CALD1: variants seen among roughly 807,000 people sequenced by gnomAD.
The protein encoded by CALD1 is caldesmon.
A neutral mutation model predicts 99.9 loss-of-function variants in CALD1; 33 were observed. That is an observed-to-expected ratio of 0.33 (90% CI 0.25 to 0.44). The LOEUF (loss-of-function observed/expected upper bound fraction) is 0.44. CALD1 is among the 20% of genes least tolerant of loss of function. The pLI, the probability that CALD1 is intolerant of heterozygous loss-of-function variation, is 1.00. For missense variants in CALD1, 861 were observed against 962.1 expected, an observed-to-expected ratio of 0.89 and a Z score of 1.39; for synonymous variants, 310 against 325.0, an observed-to-expected ratio of 0.95 and a Z score of 0.50.
chr7:134,912,318 A>G (rs1340043533), intron 3 of CALD1, among the ~76,000 whole-genome samples: 2 of 152,216 alleles, frequency 1.3e-5, no homozygotes, highest in Non-Finnish European at 2.9e-5. Context: ...AGTTTACTTG[A>G]CTGGGTAAAT....
At chr7:134,740,679 C>T (rs1585893331), upstream of CALD1, among the ~76,000 whole-genome samples, 1 of 152,188 alleles carries the variant, frequency 6.6e-6, no homozygotes, top group African/African-American at 2.4e-5. Flanking sequence ...AAACTAGAGA[C>T]TACGCAGAGG....
chr7:134,796,966 T>G (rs1797766978), intron 1 of CALD1, among the ~76,000 whole-genome samples: 1 of 152,170 alleles, frequency 6.6e-6, no homozygotes, highest in South Asian at 2.1e-4. Context: ...AAAGGGAGGA[T>G]TGAGACAGAC....
At chr7:134,787,946 T>C (rs1797371329) in intron 1 of CALD1, among the ~76,000 whole-genome samples, 1 of 152,066 alleles carries the variant, frequency 6.6e-6, no homozygotes, top group Admixed American at 6.5e-5. Context: ...GAAGAGGAGC[T>C]AAAAAGGAAT....
chr7:134,739,844 T>C (rs1659531796), upstream of CALD1, among the ~76,000 whole-genome samples: 1 of 140,824 alleles, frequency 7.1e-6, no homozygotes, highest in East Asian at 2.2e-4. Flanking sequence ...CAAATGCACC[T>C]TCAAACTAAA....
At chr7:134,875,390 C>T (rs944643796) in intron 3 of CALD1, among the ~76,000 whole-genome samples, 1 of 152,202 alleles carries the variant, frequency 6.6e-6, no homozygotes, top group African/African-American at 2.4e-5. Flanking sequence ...AATCCCAACA[C>T]TTTGCGAGGC....
At chr7:134,796,651 T>A (rs1407628675) in intron 1 of CALD1, among the ~76,000 whole-genome samples, 1 of 152,096 alleles carries the variant, frequency 6.6e-6, no homozygotes, top group Non-Finnish European at 1.5e-5. Flanking sequence ...AGTGGTGCAA[T>A]CATAGCTCAC....
the CALD1 span, among the ~76,000 whole-genome samples, chr7:134,720,271 T>C: frequency 6.6e-6 from 1 of 151,618 alleles, no homozygotes; most frequent in Non-Finnish European, 1.5e-5. Context: ...GAAAGAATGA[T>C]GAATGGGCCC....
intron 3 of CALD1, among the ~76,000 whole-genome samples, chr7:134,898,273 T>C (rs1290430935): frequency 6.6e-6 from 1 of 152,176 alleles, no homozygotes; most frequent in Non-Finnish European, 1.5e-5. Context: ...GAACATCCAG[T>C]ATAATAATGT....
intron 1 of CALD1, among the ~76,000 whole-genome samples, chr7:134,754,244 G>A (rs1407747578): frequency 6.6e-6 from 1 of 152,194 alleles, no homozygotes; most frequent in Admixed American, 6.5e-5. Flanking sequence ...ACTTTATAAA[G>A]AGAAGGGAGA....
intron 3 of CALD1, among the ~76,000 whole-genome samples, chr7:134,924,954 C>G (rs1378472792): frequency 6.6e-6 from 1 of 152,166 alleles, no homozygotes. Context: ...TGCCTTGCTT[C>G]CCCTTCACCT....
chr7:134,932,860 G>C (rs965446928), intron 4 of CALD1, 128 bp from the exon 5 acceptor site: 2 of 611,054 alleles, frequency 3.3e-6, no homozygotes, highest in African/African-American at 3.7e-5. Flanking sequence ...AAATGGTAAC[G>C]TACTGGGGAT....
At chr7:134,835,632 A>G (rs1478757512) in intron 1 of CALD1, among the ~76,000 whole-genome samples, 1 of 152,194 alleles carries the variant, frequency 6.6e-6, no homozygotes, top group African/African-American at 2.4e-5. Flanking sequence ...ACTTAATTGC[A>G]CAATAGATAA....
chr7:134,842,164 C>A (rs1269168746), intron 1 of CALD1, among the ~76,000 whole-genome samples: 2 of 152,198 alleles, frequency 1.3e-5, no homozygotes, highest in Admixed American at 1.3e-4. Flanking sequence ...GCAGAGGACT[C>A]ACTCAGTGAA....
chr7:134,749,268 C>T lies in CALD1; in HGVS notation c.-130+4905C>T, dbSNP rs376391085. Among the ~76,000 whole-genome samples, 155 of 152,288 alleles carry T rather than the reference C, an allele frequency of 1.0e-3. 3 individuals carry two copies. In the South Asian group the frequency reaches 0.031, roughly 31 times the overall value. ...TGTCTTCAAAGGAACACCTCTCAGC[C>T]CTGGAACCAAAGATAGAAGTGACTC... is the stretch of plus-strand genomic sequence containing the variant. On this transcript the variant is annotated intron_variant, in intron 1 of 13. Transcript: ENST00000417172.
chr7:134,807,594 TG>T (rs750822431), intron 1 of CALD1, among the ~76,000 whole-genome samples: 22 of 152,022 alleles, frequency 1.4e-4, no homozygotes, highest in Non-Finnish European at 2.9e-4. Flanking sequence ...ATGAAGAGGG[TG>T]GAGGAAGAAG....
At chr7:134,757,709 T>A (rs1168420406) in intron 1 of CALD1, among the ~76,000 whole-genome samples, 1 of 151,834 alleles carries the variant, frequency 6.6e-6, no homozygotes, top group Non-Finnish European at 1.5e-5. Context: ...TGAAACCCTG[T>A]CTCTACTAAA....
Position 134,969,226 on chromosome 7 carries a change from A to G in CALD1, c.*881A>G, listed in dbSNP as rs927297264. On this transcript the variant is annotated 3_prime_UTR_variant, in exon 15 of 15. Coordinates refer to ENST00000361675, the MANE Select transcript of CALD1 (RefSeq NM_033138.4). Reference sequence around the variant, plus strand: ...GCAGATAGGTATCAATATGTTTTCAATGCCTGATGACCTATAAGAAGAAAG... The same window carrying G: ...GCAGATAGGTATCAATATGTTTTCAGTGCCTGATGACCTATAAGAAGAAAG... The G allele has an allele frequency of 2.0e-5, 3 of 152,368 alleles. No homozygotes were observed. Among genetic ancestry groups the G allele is most frequent in the African/African-American group, 7.2e-5 (3 of 41,450 alleles). The allele number at this position is 152,368 out of a possible 1,614,324, so 9.4% of individuals were successfully genotyped here.
At chr7:134,876,740 A>C (rs147734333) in intron 3 of CALD1, among the ~76,000 whole-genome samples, 3 of 152,360 alleles carry the variant, frequency 2.0e-5, no homozygotes, top group African/African-American at 7.2e-5. Flanking sequence ...TTTTGAAACT[A>C]AGTTATGTAG....
intron 1 of CALD1, among the ~76,000 whole-genome samples, chr7:134,832,922 A>G (rs2132086281): frequency 6.6e-6 from 1 of 152,330 alleles, no homozygotes; most frequent in Middle Eastern, 3.4e-3. Flanking sequence ...CTTTAAAAGT[A>G]ATTTGTCACA....
Sources: allele counts gnomAD v4.1 joint callset (sites outside exome capture counted in the v4.1 genomes callset), GRCh38; gene constraint gnomAD v4.1.1; transcripts MANE v1.5; gene names NCBI Gene and HGNC (gene_info 2026-07-23, HGNC 2026-07-21).